The following TRIQK variants were observed in gnomAD, a reference collection of about 807,000 sequenced individuals.
TRIQK encodes triple QxxK/R motif containing, also known as triple QxxK/R motif-containing protein.
TRIQK carries 10 observed loss-of-function variants against 10.8 expected under a neutral mutation model. That is an observed-to-expected ratio of 0.92 (90% CI 0.57 to 1.57). The LOEUF is 1.57. Among genes scored for constraint, TRIQK ranks in the 40% most tolerant of loss-of-function variants. The probability of loss-of-function intolerance (pLI) is 0.00; values close to 1 mark genes in which losing one functional copy is unlikely to be tolerated. For missense variants in TRIQK, 107 were observed against 97.7 expected (o/e 1.09, Z -0.40); for synonymous variants, 33 against 33.7 (o/e 0.98, Z 0.07).
At chr8:92,990,316 T>G (rs188232890) in intron 1 of TRIQK, among the ~76,000 whole-genome samples, 6 of 152,346 alleles carry the variant, frequency 3.9e-5, no homozygotes, top group African/African-American at 1.4e-4. Context: ...ATGATACTAA[T>G]GTGGATGCTA....
At chr8:93,003,066 A>G (rs1312867416) in intron 1 of TRIQK, among the ~76,000 whole-genome samples, 1 of 152,194 alleles carries the variant, frequency 6.6e-6, no homozygotes, top group African/African-American at 2.4e-5. Flanking sequence ...ACATAAATGC[A>G]AAAATCCTCA....
chr8:93,003,795 A>G (rs1277419089), intron 1 of TRIQK, among the ~76,000 whole-genome samples: 1 of 152,220 alleles, frequency 6.6e-6, no homozygotes, highest in African/African-American at 2.4e-5. Context: ...TTGGCCAAAA[A>G]AAAGGGAGGC....
At chr8:92,952,941 C>A (rs1024950501) in intron 2 of TRIQK, among the ~76,000 whole-genome samples, 2 of 152,010 alleles carry the variant, frequency 1.3e-5, no homozygotes, top group Non-Finnish European at 2.9e-5. Flanking sequence ...GGGTCCAGAA[C>A]CATTCTACCA....
At chr8:92,954,116 C>A (rs946801333) in intron 2 of TRIQK, 1 of 151,742 alleles carries the variant, frequency 6.6e-6, no homozygotes, top group African/African-American at 2.4e-5. Flanking sequence ...AATGTAGCAA[C>A]AAATCTTTAA....
At position 92,886,711 on chromosome 8, in the gene TRIQK, T is replaced by A; in HGVS notation, c.172A>T (p.Ile58Leu). 1 of 1,532,006 alleles carries A rather than the reference T, an allele frequency of 6.5e-7. No homozygotes were observed. The highest frequency in any genetic ancestry group is 1.2e-5 in the South Asian group (1 of 83,854). The allele number at this position is 1,532,006 out of a possible 1,614,324, so 94.9% of individuals were successfully genotyped here. Reference protein sequence around the residue: ...IKEVGLVLAAILALLLAFYAF... With the variant: ...IKEVGLVLAALLALLLAFYAF... ...TAGAAAGCCAGTAGTAGTGCCAATA[T>A]AGCTGCAAGTACAAGGCCAACTTCC... Residue 58 changes from isoleucine to leucine, a missense_variant, in exon 5 of 5, where the codon ATA (isoleucine) becomes TTA (leucine). Ile to Leu is a conservative substitution (Grantham distance 5, BLOSUM62 2). Coordinates refer to ENST00000521988, the MANE Select transcript of TRIQK (RefSeq NM_001171797.2).
chr8:93,008,656 A>C (rs1813298069), intron 1 of TRIQK, among the ~76,000 whole-genome samples: 1 of 152,226 alleles, frequency 6.6e-6, no homozygotes, highest in Non-Finnish European at 1.5e-5. Flanking sequence ...AGTGGAAAAG[A>C]TTAAACAGCT....
At chr8:92,962,373 C>T (rs1812504888) in intron 1 of TRIQK, among the ~76,000 whole-genome samples, 1 of 152,082 alleles carries the variant, frequency 6.6e-6, no homozygotes, top group Non-Finnish European at 1.5e-5. Context: ...CTGAGTTTCG[C>T]GTTTCTACAT....
At chr8:92,890,672 C>A (rs1816716608) in intron 4 of TRIQK, among the ~76,000 whole-genome samples, 1 of 151,820 alleles carries the variant, frequency 6.6e-6, no homozygotes, top group Non-Finnish European at 1.5e-5. Context: ...TATTTAACTT[C>A]TCATCATATT....
chr8:92,890,646 A>G (rs963512020), intron 4 of TRIQK, among the ~76,000 whole-genome samples: 2 of 151,842 alleles, frequency 1.3e-5, no homozygotes, highest in African/African-American at 4.8e-5. Flanking sequence ...TAGCTGCACT[A>G]TTTCTCAAAT....
chr8:92,950,966 A>G (rs1006821684), intron 2 of TRIQK, among the ~76,000 whole-genome samples: 1 of 152,138 alleles, frequency 6.6e-6, no homozygotes. Flanking sequence ...AATTCCTTAC[A>G]TAAAATGGTG....
chr8:92,891,867 G>T, intron 4 of TRIQK, 122 bp downstream of exon 4: 2 of 670,456 alleles, frequency 3.0e-6, no homozygotes. Flanking sequence ...TTTAAGTCTG[G>T]CATTCTATTT....
At chr8:92,984,308 A>T (rs1813011887) in intron 1 of TRIQK, among the ~76,000 whole-genome samples, 1 of 152,110 alleles carries the variant, frequency 6.6e-6, no homozygotes, top group Non-Finnish European at 1.5e-5. Context: ...ACAGAGTCCA[A>T]ATAGGTTATG....
intron 1 of TRIQK, among the ~76,000 whole-genome samples, chr8:92,997,613 G>T (rs1813165697): frequency 6.6e-6 from 1 of 152,064 alleles, no homozygotes; most frequent in Non-Finnish European, 1.5e-5. Context: ...TTTTCTTGAT[G>T]TTGTAAGCTC....
At chr8:92,900,063 C>A (rs1310663311) in intron 3 of TRIQK, among the ~76,000 whole-genome samples, 1 of 152,120 alleles carries the variant, frequency 6.6e-6, no homozygotes, top group Non-Finnish European at 1.5e-5. Flanking sequence ...TGAGAAATGC[C>A]TATTCAGATA....
chr8:92,944,021 AC>A (rs1431943383), intron 2 of TRIQK, among the ~76,000 whole-genome samples: 1 of 152,120 alleles, frequency 6.6e-6, no homozygotes, highest in East Asian at 1.9e-4. Context: ...TACAAAAAAA[AC>A]CCCAAATAAT....
upstream of TRIQK, among the ~76,000 whole-genome samples, chr8:92,970,894 G>A (rs1279142164): frequency 6.6e-6 from 1 of 152,138 alleles, no homozygotes; most frequent in Non-Finnish European, 1.5e-5. Flanking sequence ...GAATGGTACT[G>A]CCTAGATTTT....
chr8:92,943,455 T>C (rs962648582), intron 2 of TRIQK, among the ~76,000 whole-genome samples: 2 of 152,126 alleles, frequency 1.3e-5, no homozygotes, highest in Admixed American at 1.3e-4. Context: ...CAAAACAGCA[T>C]GGCATTGGCA....
chr8:92,892,003 C>T lies in TRIQK; in HGVS notation c.133G>A (p.Ala45Thr). The T allele has an allele frequency of 6.5e-7, 1 of 1,533,158 alleles. No individual in the cohort carries two copies. Among genetic ancestry groups the T allele is most frequent in the African/African-American group, 1.4e-5 (1 of 72,908 alleles). 95.0% of individuals were successfully genotyped at this position (1,533,158 alleles called of 1,614,324 possible). ...TKLKAEAKKT[A>T]IGIKEVGLVL... ...TAGAGGTTTACCTTTATGCCTATTG[C>T]TGTTTTCTTTGCTTCTGCTTTTAAT... The change falls in exon 4 of 5, where the codon GCA (alanine) becomes ACA (threonine). Residue 45 changes from alanine (A) to threonine (T), a missense_variant. By Grantham distance (58) the Ala-to-Thr change is moderately conservative. Coordinates refer to ENST00000521988, the MANE Select transcript of TRIQK (RefSeq NM_001171797.2).
intron 2 of TRIQK, among the ~76,000 whole-genome samples, chr8:92,928,789 T>C (rs1025648393): frequency 6.6e-6 from 1 of 152,188 alleles, no homozygotes; most frequent in African/African-American, 2.4e-5. Flanking sequence ...TGGACGTTTC[T>C]AATGATCCCC....
Sources: allele counts gnomAD v4.1 joint callset (sites outside exome capture counted in the v4.1 genomes callset), GRCh38; gene constraint gnomAD v4.1.1; transcripts MANE v1.5; gene names NCBI Gene and HGNC (gene_info 2026-07-23, HGNC 2026-07-21).